Variants in ITGA2 observed in about 807,000 individuals in gnomAD.
ITGA2 encodes integrin subunit alpha 2.
Under a neutral mutation model 146.3 loss-of-function variants are expected in ITGA2, and 101 were observed. The ratio of observed to expected loss-of-function variants is 0.69; its 90% CI spans 0.59 to 0.81. The LOEUF (loss-of-function observed/expected upper bound fraction) is 0.81, where lower values mean the gene tolerates loss of function less well. ITGA2 is among the 40% of genes least tolerant of loss of function. ITGA2 has a pLI of 0.00. For missense variants in ITGA2, 1,281 were observed against 1,402.7 expected (o/e 0.91, Z 1.39); for synonymous variants, 477 against 487.1 (o/e 0.98, Z 0.27).
rs963037970 is a variant in ITGA2, at chr5:53,048,548, A to C, written c.502+71A>C. ...AAGGAGGGGGAAAAGGTTATCAACT[A>C]GTGGCACCCAAACCCTCCTTAAGTC... On this transcript the variant is annotated intron_variant, in intron 5 of 29. Coordinates refer to ENST00000296585, the MANE Select transcript of ITGA2 (RefSeq NM_002203.4). 3.1e-6 allele frequency: 5 copies of C among 1,605,578 alleles called. No homozygotes were observed. The Admixed American group carries it at 8.3e-5, about 27-fold the overall frequency.
chr5:53,008,063 C>T (rs1429262459), intron 1 of ITGA2, among the ~76,000 whole-genome samples: 1 of 151,998 alleles, frequency 6.6e-6, no homozygotes, highest in Non-Finnish European at 1.5e-5. Context: ...GTGTAATATA[C>T]TTTCTCCTTG....
intron 3 of ITGA2, among the ~76,000 whole-genome samples, chr5:53,042,830 A>T: frequency 6.8e-6 from 1 of 147,392 alleles, no homozygotes; most frequent in African/African-American, 2.5e-5. Flanking sequence ...TCATCATTAC[A>T]TCATCAGCAG....
At chr5:53,082,465 G>A (rs3212619) in intron 26 of ITGA2, among the ~76,000 whole-genome samples, 52,984 of 151,922 alleles carry the variant, frequency 0.35, 9,343 homozygotes, top group Admixed American at 0.41. Context: ...AGTGGGCCAC[G>A]CTACCTTTTG....
intron 14 of ITGA2, 43 bp from the exon 15 acceptor site, chr5:53,065,798 A>T (rs1579878591): frequency 6.2e-7 from 1 of 1,610,944 alleles, no homozygotes. Context: ...TTTCTGGTTC[A>T]GCTGTTGTGT....
rs554768019 is a variant in ITGA2, at chr5:53,028,823, C to G, written c.185+1955C>G. On this transcript the variant is annotated intron_variant, in intron 2 of 29. Transcript: ENST00000296585. ...TCCTATCACCAAAATACCAATTATACCTGGCCGTTCCTCACTGTCTCTCCT... is the reference window on the plus strand; with the variant it reads ...TCCTATCACCAAAATACCAATTATAGCTGGCCGTTCCTCACTGTCTCTCCT... Among the ~76,000 whole-genome samples the G allele has an allele frequency of 4.6e-5, 7 of 152,286 alleles. 1 individual carries two copies. The South Asian group carries it at 1.5e-3, about 32-fold the overall frequency.
chr5:53,055,970 C>T lies in ITGA2; in HGVS notation c.931-14C>T, dbSNP rs749226812. The T allele has an allele frequency of 2.5e-6, 4 of 1,606,032 alleles. No individual in the cohort carries two copies. In the East Asian group the frequency reaches 9.0e-5, roughly 36 times the overall value. On this transcript the variant is annotated splice_polypyrimidine_tract_variant and intron_variant, in intron 8 of 29. Coordinates refer to ENST00000296585, the MANE Select transcript of ITGA2 (RefSeq NM_002203.4). ...AGCAGTAATGACTGCACATTCTCTT[C>T]CTCTATTTTCAAGGTTCTTGGGTAC...
At chr5:53,038,934 A>G (rs1479219365) in intron 2 of ITGA2, among the ~76,000 whole-genome samples, 1 of 152,150 alleles carries the variant, frequency 6.6e-6, no homozygotes, top group Non-Finnish European at 1.5e-5. Context: ...CTATTAAAAA[A>G]GTGCAAAAGA....
intron 7 of ITGA2, among the ~76,000 whole-genome samples, chr5:53,053,833 G>A (rs1224197877): frequency 6.6e-6 from 1 of 152,064 alleles, no homozygotes; most frequent in African/African-American, 2.4e-5. Flanking sequence ...TTCAGTAATT[G>A]TTGCCATGTT....
At chr5:53,008,350 C>A (rs1579790442) in intron 1 of ITGA2, among the ~76,000 whole-genome samples, 1 of 148,946 alleles carries the variant, frequency 6.7e-6, no homozygotes, top group South Asian at 2.2e-4. Flanking sequence ...TAGGGCTTCA[C>A]TCTTAGGACC....
chr5:53,028,268 A>G (rs1743049085), intron 2 of ITGA2, among the ~76,000 whole-genome samples: 1 of 152,206 alleles, frequency 6.6e-6, no homozygotes, highest in South Asian at 2.1e-4. Context: ...CTCAGCAGGC[A>G]TCTTGGAGGA....
intron 16 of ITGA2, among the ~76,000 whole-genome samples, chr5:53,068,587 G>A (rs142888896): frequency 6.6e-6 from 1 of 151,792 alleles, no homozygotes; most frequent in East Asian, 2.0e-4. Flanking sequence ...ACAGGCTGCC[G>A]AGGGTTTCTG....
At chr5:53,079,164 G>C (rs1044092768) in intron 24 of ITGA2, among the ~76,000 whole-genome samples, 13 of 152,068 alleles carry the variant, frequency 8.5e-5, no homozygotes, top group Non-Finnish European at 1.3e-4. Flanking sequence ...ATAACCAATA[G>C]GCTAGATCAT....
chr5:53,063,468 AC>A lies in ITGA2; in HGVS notation c.1602+540del, dbSNP rs367581658. Among the ~76,000 whole-genome samples, 294 of 151,984 alleles carry A rather than the reference AC, an allele frequency of 1.9e-3. 1 individual carries two copies. The highest frequency in any genetic ancestry group is 6.9e-3 in the African/African-American group (286 of 41,516). On this transcript the variant is annotated intron_variant, in intron 13 of 29. Transcript: ENST00000296585. The stretch of plus-strand genomic sequence containing the variant: ...AAGTTTCAAGTCCTTCCACAAAAAA[AC>A]ACCATACATTAACATGGCAAAGCAT...
intron 12 of ITGA2, 44 bp from the exon 13 acceptor site, chr5:53,062,742 A>G (rs1200717226): frequency 2.5e-6 from 4 of 1,588,774 alleles, no homozygotes; most frequent in South Asian, 1.1e-5. Flanking sequence ...TTAGAAGTAT[A>G]TGAATCCTAG....
chr5:53,017,636 G>C (rs1039906157), intron 1 of ITGA2, among the ~76,000 whole-genome samples: 2 of 152,224 alleles, frequency 1.3e-5, no homozygotes, highest in South Asian at 4.1e-4. Flanking sequence ...GAAGGAGCAG[G>C]GTGGCAGCAA....
At chr5:53,012,176 T>C (rs1032221814) in intron 1 of ITGA2, among the ~76,000 whole-genome samples, 1 of 152,186 alleles carries the variant, frequency 6.6e-6, no homozygotes, top group Non-Finnish European at 1.5e-5. Flanking sequence ...ATTAACACTT[T>C]CTACAGGGTG....
At chr5:53,065,678 C>A in intron 14 of ITGA2, 163 bp from the exon 15 acceptor site, 1 of 831,794 alleles carries the variant, frequency 1.2e-6, no homozygotes, top group Non-Finnish European at 1.9e-6. Flanking sequence ...ATGCAGAGAT[C>A]AGATAATAAG....
In ITGA2 at chr5:53,072,769, GT is replaced by G. The variant is rs1382859225; in HGVS notation, c.2429+77del. On this transcript the variant is annotated intron_variant, in intron 19 of 29. Transcript: ENST00000296585. ...ACTAGATTACTTTATTCAAACGAAT[GT>G]TTATAGAGTTTTTCTACAAAAGAAA... 4.9e-6 allele frequency: 6 copies of G among 1,212,752 alleles called. No homozygotes were observed. In the East Asian group the frequency reaches 1.5e-4, roughly 30 times the overall value. 75.1% of individuals were successfully genotyped at this position (1,212,752 alleles called of 1,614,324 possible). A position where few individuals can be genotyped will look rare whatever the true frequency, so the allele number is the denominator to read the frequency against.
chr5:53,073,142 C>T lies in ITGA2; in HGVS notation c.2454C>T (p.Asn818=). The part of the protein sequence containing the change: ...AAQEQPFIVS[N]QNKRLTFSVT... ...GAGAACAACCCTTTATTGTCAGCAA[C>T]CAAAACAAAAGGTTAACATTTTCAG... Residue 818 remains asparagine, a synonymous_variant, in exon 20 of 30, where the codon AAC becomes AAT. Transcript: ENST00000296585. The T allele has an allele frequency of 1.2e-6, 2 of 1,612,112 alleles. No individual in the cohort carries two copies. The highest frequency in any genetic ancestry group is 1.7e-6 in the Non-Finnish European group (2 of 1,178,800).
Sources: gnomAD v4.1 joint callset for allele counts (sites outside exome capture counted in the v4.1 genomes callset) on GRCh38, gnomAD v4.1.1 for gene constraint, MANE v1.5 for transcripts, NCBI Gene and HGNC (gene_info 2026-07-23, HGNC 2026-07-21) for gene names.